The following RNF138 variants were observed in gnomAD, a reference collection of about 807,000 sequenced individuals.
RNF138 encodes ring finger protein 138, also known as E3 ubiquitin-protein ligase RNF138.
Under a neutral mutation model 31.0 loss-of-function variants are expected in RNF138, and 12 were observed. The ratio of observed to expected loss-of-function variants is 0.39; its 90% CI spans 0.25 to 0.63. The LOEUF (loss-of-function observed/expected upper bound fraction) is 0.63, where lower values mean the gene tolerates loss of function less well. Among genes scored for constraint, RNF138 ranks in the 20% least tolerant of loss-of-function variants. The pLI, the probability that RNF138 is intolerant of heterozygous loss-of-function variation, is 0.52. For synonymous variants in RNF138, 105 were observed against 99.5 expected, an observed-to-expected ratio of 1.06 and a Z score of -0.33; for missense variants, 192 against 300.1, an observed-to-expected ratio of 0.64 and a Z score of 2.66.
At chr18:32,096,976 C>G in intron 2 of RNF138, among the ~76,000 whole-genome samples, 1 of 152,222 alleles carries the variant, frequency 6.6e-6, no homozygotes, top group Admixed American at 6.5e-5. Flanking sequence ...AAACCGTCCT[C>G]CTGCCTCAGC....
At chr18:32,113,073 G>A (rs368522883) in intron 3 of RNF138, among the ~76,000 whole-genome samples, 20 of 152,186 alleles carry the variant, frequency 1.3e-4, no homozygotes, top group African/African-American at 4.6e-4. Flanking sequence ...AAGTATTCCT[G>A]GCAACTTAAT....
intron 4 of RNF138, among the ~76,000 whole-genome samples, chr18:32,115,107 A>G (rs2040193780): frequency 6.6e-6 from 1 of 152,006 alleles, no homozygotes; most frequent in Admixed American, 6.6e-5. Flanking sequence ...TTTTTTACCC[A>G]ATAGATTGTT....
rs1568226662 is a variant in RNF138, at chr18:32,101,230, TCA to T, written c.110+8345_110+8346del. 2.4e-4 allele frequency among the ~76,000 whole-genome samples: 35 copies of T among 147,132 alleles called. No individual in the cohort carries two copies. In the South Asian group the frequency reaches 7.1e-3, roughly 30 times the overall value. On this transcript the variant is annotated intron_variant, in intron 2 of 7. Coordinates refer to ENST00000261593, the MANE Select transcript of RNF138 (RefSeq NM_016271.5). ...TATAGGTTTCTTTTTTTTTTTTTTT[TCA>T]AAGACAGAGTCTGGCTCTGTTGTCC...
chr18:32,092,142 C>G lies in RNF138; in HGVS notation c.-171C>G, dbSNP rs2039700499. 1 of 152,682 alleles carries G rather than the reference C, an allele frequency of 6.5e-6. No individual in the cohort carries two copies. Among genetic ancestry groups the G allele is most frequent in the Non-Finnish European group, 1.5e-5 (1 of 68,352 alleles). The allele number at this position is 152,682 out of a possible 1,614,324, so 9.5% of individuals were successfully genotyped here. On this transcript the variant is annotated 5_prime_UTR_variant, in exon 1 of 8. Coordinates refer to ENST00000261593, the MANE Select transcript of RNF138 (RefSeq NM_016271.5). ...CCTCGGCTGCGAAGATAGCGGCGGC[C>G]GGACAGGAAGCTCGAGGAAAGCGCT...
chr18:32,111,649 C>T, intron 2 of RNF138, 105 bp from the exon 3 acceptor site: 2 of 943,084 alleles, frequency 2.1e-6, no homozygotes, highest in Non-Finnish European at 3.2e-6. Context: ...AGTAGCCTAA[C>T]TTATTTAATA....
intron 2 of RNF138, among the ~76,000 whole-genome samples, chr18:32,093,140 C>G (rs1263491573): frequency 6.6e-6 from 1 of 151,392 alleles, no homozygotes; most frequent in Non-Finnish European, 1.5e-5. Flanking sequence ...CTCCCGCTCT[C>G]CCGCTCTCCC....
At chr18:32,121,387 C>T (rs939742264) in intron 4 of RNF138, among the ~76,000 whole-genome samples, 10 of 152,018 alleles carry the variant, frequency 6.6e-5, no homozygotes, top group Admixed American at 6.6e-4. Flanking sequence ...CCTAGCTTCT[C>T]AGGAGGCTGA....
At chr18:32,127,725 T>TA (rs2040405413) in intron 7 of RNF138, among the ~76,000 whole-genome samples, 1 of 152,228 alleles carries the variant, frequency 6.6e-6, no homozygotes, top group African/African-American at 2.4e-5. Context: ...TATTTGGAAA[T>TA]ACAAAAATTT....
At chr18:32,101,216 T>TTC (rs1446743502) in intron 2 of RNF138, among the ~76,000 whole-genome samples, 1 of 149,464 alleles carries the variant, frequency 6.7e-6, no homozygotes, top group East Asian at 2.0e-4. Context: ...ATAGGTTTCT[T>TTC]TTTTTTTTTT....
chr18:32,093,029 C>T (rs1184015553), intron 2 of RNF138, 143 bp downstream of exon 2: 4 of 474,450 alleles, frequency 8.4e-6, no homozygotes, highest in African/African-American at 8.2e-5. Context: ...GTCCCGTTCC[C>T]CGCCCCTCAG....
chr18:32,126,377 G>A (rs1306091933), intron 6 of RNF138, among the ~76,000 whole-genome samples: 1 of 152,192 alleles, frequency 6.6e-6, no homozygotes, highest in Admixed American at 6.5e-5. Context: ...TATTGGATAT[G>A]TTGCAGGCAG....
In RNF138 at chr18:32,129,201, C is replaced by G. The variant is rs2144305203; in HGVS notation, c.*14C>G. 6.3e-7 allele frequency: 1 copy of G among 1,596,180 alleles called. No individual in the cohort carries two copies. Among genetic ancestry groups the G allele is most frequent in the Non-Finnish European group, 8.6e-7 (1 of 1,165,438 alleles). ...GTAAACATCTGAAGGCTGTAGACAT[C>G]TCTGCATCTTTGTACCTGCAAGTGC... On this transcript the variant is annotated 3_prime_UTR_variant, in exon 8 of 8. Coordinates refer to ENST00000261593, the MANE Select transcript of RNF138 (RefSeq NM_016271.5).
At chr18:32,115,905 CTT>C (rs1395152611) in intron 4 of RNF138, among the ~76,000 whole-genome samples, 1 of 152,148 alleles carries the variant, frequency 6.6e-6, no homozygotes, top group Non-Finnish European at 1.5e-5. Context: ...TGTTCCCTCT[CTT>C]TGCCATTCTT....
At chr18:32,118,825 G>C (rs544459142) in intron 4 of RNF138, among the ~76,000 whole-genome samples, 1 of 151,690 alleles carries the variant, frequency 6.6e-6, no homozygotes, top group Non-Finnish European at 1.5e-5. Flanking sequence ...GCGAGACTCC[G>C]TCTCAAAAAA....
At chr18:32,121,996 G>A (rs138119674) in intron 4 of RNF138, among the ~76,000 whole-genome samples, 2,437 of 152,158 alleles carry the variant, frequency 0.016, 32 homozygotes, top group African/African-American at 0.041. Flanking sequence ...AGCCTCCCGA[G>A]TAGTTGGGAT....
At position 32,111,872 on chromosome 18, in the gene RNF138, A is replaced by T. The variant is rs766960918; in HGVS notation, c.229A>T (p.Asn77Tyr). 9.9e-6 allele frequency: 16 copies of T among 1,613,442 alleles called. No homozygotes were observed. In the Admixed American group the frequency reaches 2.5e-4, roughly 25 times the overall value. The change falls in exon 3 of 8, where the codon AAT (asparagine) becomes TAT (tyrosine). Residue 77 changes from asparagine to tyrosine, a missense_variant. Coordinates refer to ENST00000261593, the MANE Select transcript of RNF138 (RefSeq NM_016271.5). ...ACPERALDLE[N>Y]IMRKFSGSCR... ...TCCTGAACGGGCCTTAGACCTTGAA[A>T]ATATAATGAGGAAGTTTTCTGGTAG...
chr18:32,092,933 GCCCGGCCTCCGGCCCGGGAC>G (rs1239489942), intron 2 of RNF138, 47 bp downstream of exon 2: 9 of 1,175,544 alleles, frequency 7.7e-6, no homozygotes, highest in East Asian at 3.1e-5. Flanking sequence ...TGTCGCTTAG[GCCCGGCCTCCGGCCCGGGAC>G]CCCGGGCTGC....
chr18:32,124,907 C>A, intron 6 of RNF138, 62 bp downstream of exon 6: 1 of 834,314 alleles, frequency 1.2e-6, no homozygotes, highest in South Asian at 1.5e-5. Context: ...CTATTTATTT[C>A]ACTTCATGTA....
In RNF138 at chr18:32,097,944, A is replaced by ATG. The variant is rs34814991; in HGVS notation, c.110+5090_110+5091dup. On this transcript the variant is annotated intron_variant, in intron 2 of 7. Coordinates refer to ENST00000261593, the MANE Select transcript of RNF138 (RefSeq NM_016271.5). ...TGTGTGTGTATATGTGTATGTATAT[A>ATG]TGTGTGTGTGTGTGTGTGTGTGTGT... Among the ~76,000 whole-genome samples the ATG allele has an allele frequency of 3.0e-3, 258 of 87,380 alleles. 1 individual carries two copies. Among genetic ancestry groups the ATG allele is most frequent in the South Asian group, 4.8e-3 (14 of 2,888 alleles). 57.3% of individuals were successfully genotyped at this position (87,380 alleles called of 152,430 possible).
Sources: allele counts gnomAD v4.1 joint callset (sites outside exome capture counted in the v4.1 genomes callset), GRCh38; gene constraint gnomAD v4.1.1; transcripts MANE v1.5; gene names NCBI Gene and HGNC (gene_info 2026-07-23, HGNC 2026-07-21).